Variants in PSKH2 observed in about 807,000 individuals in gnomAD.
PSKH2 encodes the protein protein serine kinase H2.
In PSKH2, 16 loss-of-function variants were observed where a neutral mutation model predicts 22.5. The ratio of observed to expected loss-of-function variants is 0.71; its 90% confidence interval spans 0.48 to 1.08. PSKH2 has a LOEUF of 1.08. Among genes scored for constraint, PSKH2 ranks in the 50% least tolerant of loss-of-function variants. The probability of loss-of-function intolerance (pLI) is 0.00; values close to 1 mark genes in which losing one functional copy is unlikely to be tolerated. For missense variants in PSKH2, 516 were observed against 492.8 expected, an observed-to-expected ratio of 1.05 and a Z score of -0.44; for synonymous variants, 188 against 184.8, an observed-to-expected ratio of 1.02 and a Z score of -0.14.
At position 86,048,443 on chromosome 8, in the gene PSKH2, A is replaced by G. The variant is rs3802225; in HGVS notation, c.*19T>C. 594,832 of 1,591,256 alleles carry G rather than the reference A, an allele frequency of 0.37. 112,780 individuals are homozygous for G. The highest frequency in any genetic ancestry group is 0.49 in the East Asian group (22,028 of 44,524). On this transcript the variant is annotated 3_prime_UTR_variant, in exon 3 of 3. Transcript: ENST00000276616. ...AAATGGTCCTAAAATAGGCAAAAATAGTTTTAGAGGTCATCTGCTTACAAA... is the reference window on the plus strand; with the variant it reads ...AAATGGTCCTAAAATAGGCAAAAATGGTTTTAGAGGTCATCTGCTTACAAA...
chr8:86,055,421 C>A lies in PSKH2; in HGVS notation c.853-6654G>T, dbSNP rs190588272. The stretch of plus-strand genomic sequence containing the variant: ...AGGTTTATATCCATTCAGTTTAAGG[C>A]AAGTCAGAGAAGAGATGAAGAAAGT... On this transcript the variant is annotated intron_variant, in intron 2 of 2. Coordinates refer to ENST00000276616, the MANE Select transcript of PSKH2 (RefSeq NM_033126.3). Among the ~76,000 whole-genome samples the A allele has an allele frequency of 2.4e-3, 365 of 152,188 alleles. 1 individual carries two copies. Among genetic ancestry groups the A allele is most frequent in the Non-Finnish European group, 1.8e-3 (119 of 67,994 alleles).
chr8:86,057,533 C>T (rs745724638), intron 2 of PSKH2, among the ~76,000 whole-genome samples: 6 of 152,090 alleles, frequency 3.9e-5, no homozygotes, highest in Non-Finnish European at 7.4e-5. Context: ...ACTACAGGCA[C>T]GCGCCACCAC....
chr8:86,058,792 A>C (rs576579435), intron 2 of PSKH2, among the ~76,000 whole-genome samples: 43 of 152,328 alleles, frequency 2.8e-4, no homozygotes, highest in Middle Eastern at 3.4e-3. Context: ...ATTATGGCTA[A>C]CTTTTACTTA....
At chr8:86,065,892 C>A (rs1324436624) in intron 1 of PSKH2, among the ~76,000 whole-genome samples, 1 of 152,008 alleles carries the variant, frequency 6.6e-6, no homozygotes, top group Non-Finnish European at 1.5e-5. Flanking sequence ...ATCCCTCGAG[C>A]CCAGGAATTT....
chr8:86,060,367 G>A (rs1817759219), intron 2 of PSKH2, among the ~76,000 whole-genome samples: 1 of 152,154 alleles, frequency 6.6e-6, no homozygotes, highest in Non-Finnish European at 1.5e-5. Flanking sequence ...GGAAGAAGGG[G>A]AAGGAAAATT....
At position 86,068,336 on chromosome 8, in the gene PSKH2, AGAG is replaced by A. The variant is rs552322824; in HGVS notation, c.185+1099_185+1101del. Among the ~76,000 whole-genome samples the A allele has an allele frequency of 6.1e-4, 93 of 152,326 alleles. 1 individual carries two copies. The South Asian group carries it at 0.019, about 31-fold the overall frequency. On this transcript the variant is annotated intron_variant, in intron 1 of 2. Transcript: ENST00000276616. ...CATTATTGTGTCTCCCCAAACACAC[AGAG>A]GAGAAGGGGATTCCGTGATTTACTT...
At chr8:86,058,683 T>A (rs1215333319) in intron 2 of PSKH2, among the ~76,000 whole-genome samples, 1 of 152,100 alleles carries the variant, frequency 6.6e-6, no homozygotes, top group African/African-American at 2.4e-5. Flanking sequence ...CTAAACAGTA[T>A]TTGGAAAAGG....
chr8:86,056,406 G>T (rs1817698713), intron 2 of PSKH2, among the ~76,000 whole-genome samples: 2 of 152,274 alleles, frequency 1.3e-5, no homozygotes, highest in African/African-American at 4.8e-5. Context: ...AAAAAAAGAT[G>T]ACTGTGATAC....
intron 2 of PSKH2, among the ~76,000 whole-genome samples, chr8:86,052,693 C>A (rs1278024873): frequency 1.3e-5 from 2 of 152,080 alleles, no homozygotes; most frequent in African/African-American, 4.8e-5. Flanking sequence ...CAAACCAATT[C>A]CATTCACAAT....
intron 2 of PSKH2, among the ~76,000 whole-genome samples, chr8:86,055,894 C>A (rs1405674889): frequency 6.6e-6 from 1 of 152,086 alleles, no homozygotes; most frequent in Non-Finnish European, 1.5e-5. Context: ...GTATGAGAAT[C>A]ACAGGTGAAC....
chr8:86,064,876 T>C (rs1207258497), intron 1 of PSKH2, among the ~76,000 whole-genome samples: 6 of 152,320 alleles, frequency 3.9e-5, no homozygotes, highest in East Asian at 3.9e-4. Context: ...CCATTTATTA[T>C]ACAGTTATTA....
intron 2 of PSKH2, among the ~76,000 whole-genome samples, chr8:86,053,621 AG>A (rs1817662914): frequency 6.6e-6 from 1 of 152,206 alleles, no homozygotes; most frequent in African/African-American, 2.4e-5. Flanking sequence ...CTTGTGCAAA[AG>A]ATTGGTAAAT....
intron 1 of PSKH2, among the ~76,000 whole-genome samples, chr8:86,069,057 G>T (rs1817907261): frequency 6.6e-6 from 1 of 152,142 alleles, no homozygotes; most frequent in African/African-American, 2.4e-5. Context: ...CAAAAGGCAA[G>T]AAAGTTTTTA....
In PSKH2 at chr8:86,064,582, T is replaced by C. The variant is rs1243491846; in HGVS notation, c.235A>G (p.Arg79Gly). ...TTCTTGGTGGTCTTCTGCTCTACCC[T>C]GACAACCCTGCTGAAACTGCCTGTC... is the stretch of plus-strand genomic sequence containing the variant. ...IGTGSFSRVVRVEQKTTKKPF... is the reference protein window; with the variant it reads ...IGTGSFSRVVGVEQKTTKKPF... Residue 79 changes from arginine (R) to glycine (G), a missense_variant, in exon 2 of 3, where the codon AGG (arginine) becomes GGG (glycine). Physicochemically the swap from Arg to Gly is moderately radical, Grantham distance 125. Transcript: ENST00000276616. 6.2e-7 allele frequency: 1 copy of C among 1,613,904 alleles called. No homozygotes were observed. Among genetic ancestry groups the C allele is most frequent in the Non-Finnish European group, 8.5e-7 (1 of 1,179,962 alleles).
chr8:86,048,491 C>T lies in PSKH2; in HGVS notation c.1129G>A (p.Val377Ile). Residue 377 changes from valine (V) to isoleucine (I), a missense_variant, in exon 3 of 3, where the codon GTA (valine) becomes ATA (isoleucine). By Grantham distance (29) the Val-to-Ile change is conservative. Coordinates refer to ENST00000276616, the MANE Select transcript of PSKH2 (RefSeq NM_033126.3). ...HMWSKRNLRI[V>I]ESPLSALL ...AAAAGCGCAGACAGTGGCGATTCTA[C>T]TATCCTTAAGTTTCTCTTGCTCCAC... 2 of 1,613,614 alleles carry T rather than the reference C, an allele frequency of 1.2e-6. No individual in the cohort carries two copies. Among genetic ancestry groups the T allele is most frequent in the Non-Finnish European group, 8.5e-7 (1 of 1,179,646 alleles).
intron 2 of PSKH2, among the ~76,000 whole-genome samples, chr8:86,052,226 C>T (rs977075476): frequency 6.6e-6 from 1 of 152,160 alleles, no homozygotes; most frequent in African/African-American, 2.4e-5. Flanking sequence ...CACCAGCTTT[C>T]CCATCCACTT....
chr8:86,056,325 A>G (rs1817697807), intron 2 of PSKH2, among the ~76,000 whole-genome samples: 1 of 152,056 alleles, frequency 6.6e-6, no homozygotes, highest in Non-Finnish European at 1.5e-5. Flanking sequence ...TTTTAATATC[A>G]GTGTCTGTCC....
chr8:86,059,562 C>A (rs1037823880), intron 2 of PSKH2, among the ~76,000 whole-genome samples: 1 of 152,176 alleles, frequency 6.6e-6, no homozygotes, highest in African/African-American at 2.4e-5. Flanking sequence ...TTTCCATAGT[C>A]ATATCTCTTC....
Position 86,064,238 on chromosome 8 carries a change from A to T in PSKH2, c.579T>A (p.His193Gln), listed in dbSNP as rs774701545. Residue 193 changes from histidine to glutamine, a missense_variant, in exon 2 of 3, where the codon CAT becomes CAA. Physicochemically the swap from His to Gln is conservative, Grantham distance 24. Transcript: ENST00000276616. ...TTAAAATTTTCGACTCTTCACCTGGATGATAGTATAAGAGGTTTTCAGGCT... is the reference window on the plus strand; with the variant it reads ...TTAAAATTTTCGACTCTTCACCTGGTTGATAGTATAAGAGGTTTTCAGGCT... The part of the protein sequence containing the change: ...NLKPENLLYY[H>Q]PGEESKILIT... 6.2e-7 allele frequency: 1 copy of T among 1,614,136 alleles called. No homozygotes were observed.
Sources: allele counts gnomAD v4.1 joint callset (sites outside exome capture counted in the v4.1 genomes callset), GRCh38; gene constraint gnomAD v4.1.1; transcripts MANE v1.5; gene names NCBI Gene and HGNC (gene_info 2026-07-23, HGNC 2026-07-21).